DEFB1: variants seen among roughly 807,000 people sequenced by gnomAD.
DEFB1 encodes defensin beta 1.
A neutral mutation model predicts 2.6 loss-of-function variants in DEFB1; 4 were observed. The ratio of observed to expected loss-of-function variants is 1.53; its 90% CI spans 0.76 to 3.51. DEFB1 has a LOEUF of 3.51. Among genes scored for constraint, DEFB1 ranks in the 30% most tolerant of loss-of-function variants. The probability of loss-of-function intolerance (pLI) is 0.01; values close to 1 mark genes in which losing one functional copy is unlikely to be tolerated. For missense variants in DEFB1, 162 were observed against 76.9 expected (o/e 2.11, Z -4.14); for synonymous variants, 56 against 28.5 (o/e 1.96, Z -3.07).
intron 1 of DEFB1, among the ~76,000 whole-genome samples, chr8:6,875,438 C>A (rs1309818751): frequency 6.6e-6 from 1 of 151,900 alleles, no homozygotes; most frequent in Non-Finnish European, 1.5e-5. Context: ...GACAGATAAT[C>A]CAAAAGAAAA....
rs141685393 is a variant in DEFB1 at position 6,876,734 on chromosome 8, C to T, written c.61+1063G>A. Among the ~76,000 whole-genome samples the T allele has an allele frequency of 2.4e-3, 363 of 148,388 alleles. 3 individuals are homozygous for T. The highest frequency in any genetic ancestry group is 8.7e-3 in the African/African-American group (348 of 40,230). ...GGGAGGATGGCCTGAGCTCAGGAGG[C>T]AGAGGCTGCAGTGAGGCGAGATCAC... On this transcript the variant is annotated intron_variant, in intron 1 of 1. Transcript: ENST00000297439.
Position 6,870,653 on chromosome 8 carries a change from T to TGCGTCATTTCTTCTGGTCACTCCC in DEFB1, c.*4_*27dup. 2 of 1,601,702 alleles carry TGCGTCATTTCTTCTGGTCACTCCC rather than the reference T, an allele frequency of 1.2e-6. No individual in the cohort carries two copies. Among genetic ancestry groups the TGCGTCATTTCTTCTGGTCACTCCC allele is most frequent in the African/African-American group, 2.7e-5 (2 of 74,290 alleles). On this transcript the variant is annotated 3_prime_UTR_variant, in exon 2 of 2. Transcript: ENST00000297439. ...GCTTATAAAAAGTTCATTTCACTTC[T>TGCGTCATTTCTTCTGGTCACTCCC]GCGTCATTTCTTCTGGTCACTCCCA...
intron 1 of DEFB1, among the ~76,000 whole-genome samples, chr8:6,877,454 G>T (rs772343058): frequency 6.6e-6 from 1 of 152,240 alleles, no homozygotes; most frequent in Admixed American, 6.5e-5. Context: ...CCCTCTCTCT[G>T]CATAGGAAGC....
chr8:6,875,822 C>G (rs1022127947), intron 1 of DEFB1, among the ~76,000 whole-genome samples: 16 of 152,050 alleles, frequency 1.1e-4, no homozygotes, highest in African/African-American at 3.9e-4. Context: ...GTGCACAAAC[C>G]AAGCTGTACT....
In DEFB1 at chr8:6,870,693, C is replaced by G. The variant is rs751589577; in HGVS notation, c.195G>C (p.Lys65Asn). The stretch of plus-strand genomic sequence containing the variant: ...GGTCACTCCCAGCTCACTTGCAGCA[C>G]TTGGCCTTCCCTCTGTAACAGGTGC... ...IQGTCYRGKAKCCK is the reference protein window; with the variant it reads ...IQGTCYRGKANCCK Residue 65 changes from lysine to asparagine, a missense_variant, in exon 2 of 2, where the codon AAG (lysine) becomes AAC (asparagine). By Grantham distance (94) the Lys-to-Asn change is moderately conservative (BLOSUM62 0). Coordinates refer to ENST00000297439, the MANE Select transcript of DEFB1 (RefSeq NM_005218.4). 1.2e-6 allele frequency: 2 copies of G among 1,614,100 alleles called. No individual in the cohort carries two copies. The highest frequency in any genetic ancestry group is 1.7e-5 in the Admixed American group (1 of 59,986).
In DEFB1 at chr8:6,870,763, C is replaced by T. The variant is rs773207188; in HGVS notation, c.125G>A (p.Gly42Glu). 7 of 1,614,218 alleles carry T rather than the reference C, an allele frequency of 4.3e-6. No homozygotes were observed. The East Asian group carries it at 6.7e-5, about 15-fold the overall frequency. ...SDHYNCVSSG[G>E]QCLYSACPIF... is the part of the protein sequence containing the mutation. ...CGGGCAGGCAGAATAGAGACATTGC[C>T]CTCCACTGCTGACGCAATTGTAATG... Residue 42 changes from glycine to glutamate, a missense_variant, in exon 2 of 2, where the codon GGG becomes GAG. Physicochemically the swap from Gly to Glu is moderately conservative, Grantham distance 98. Transcript: ENST00000297439.
chr8:6,876,511 G>A (rs1300922456), intron 1 of DEFB1, among the ~76,000 whole-genome samples: 1 of 151,826 alleles, frequency 6.6e-6, no homozygotes, highest in Non-Finnish European at 1.5e-5. Flanking sequence ...AAAAAACACG[G>A]TAGGCTGAGT....
Position 6,870,810 on chromosome 8 carries a change from T to C in DEFB1, c.78A>G (p.Thr26=). ...AATGATCAGATCTGTGGCCAAGGCC[T>C]GTGAGAAAGTTACCACCTGTAAGGA... ...SEMASGGNFL[T]GLGHRSDHYN... is the part of the protein sequence containing the mutation. Residue 26 remains threonine, a synonymous_variant, in exon 2 of 2, where the codon ACA becomes ACG. Coordinates refer to ENST00000297439, the MANE Select transcript of DEFB1 (RefSeq NM_005218.4). 1.2e-6 allele frequency: 2 copies of C among 1,613,192 alleles called. No individual in the cohort carries two copies. The highest frequency in any genetic ancestry group is 1.7e-5 in the Admixed American group (1 of 59,832).
intron 1 of DEFB1, among the ~76,000 whole-genome samples, chr8:6,874,970 A>G (rs1407963097): frequency 7.7e-6 from 1 of 129,040 alleles, no homozygotes; most frequent in Non-Finnish European, 1.7e-5. Flanking sequence ...TGACAGAGCG[A>G]GACTCAGTCT....
At chr8:6,873,575 G>T (rs893450879) in intron 1 of DEFB1, among the ~76,000 whole-genome samples, 1 of 152,154 alleles carries the variant, frequency 6.6e-6, no homozygotes, top group African/African-American at 2.4e-5. Flanking sequence ...GCAGCTGGAG[G>T]CCAATATCCT....
chr8:6,871,193 G>C (rs891282341), intron 1 of DEFB1, among the ~76,000 whole-genome samples: 3 of 152,210 alleles, frequency 2.0e-5, no homozygotes, highest in East Asian at 1.9e-4. Flanking sequence ...TGTGGAAGCA[G>C]CTGCCACTCT....
intron 1 of DEFB1, among the ~76,000 whole-genome samples, chr8:6,875,642 G>A (rs1243645136): frequency 1.3e-5 from 2 of 152,160 alleles, no homozygotes; most frequent in African/African-American, 4.8e-5. Flanking sequence ...CAGAGCAAGA[G>A]GAACTCTTAT....
At position 6,870,828 on chromosome 8, in the gene DEFB1, T is replaced by A; in HGVS notation, c.62-2A>T. Reference sequence around the variant, plus strand: ...CAAGGCCTGTGAGAAAGTTACCACCTGTAAGGAGGGAACACAAACACTTCA... The same window carrying A: ...CAAGGCCTGTGAGAAAGTTACCACCAGTAAGGAGGGAACACAAACACTTCA... On this transcript the variant is annotated splice_acceptor_variant, in intron 1 of 1. Coordinates refer to ENST00000297439, the MANE Select transcript of DEFB1 (RefSeq NM_005218.4). LOFTEE classifies it high-confidence loss of function. The A allele has an allele frequency of 1.2e-6, 2 of 1,610,892 alleles. No individual in the cohort carries two copies. The highest frequency in any genetic ancestry group is 1.3e-5 in the African/African-American group (1 of 74,886).
chr8:6,873,345 A>G (rs749946207), intron 1 of DEFB1, among the ~76,000 whole-genome samples: 6 of 152,190 alleles, frequency 3.9e-5, no homozygotes, highest in African/African-American at 1.2e-4. Flanking sequence ...AATTTCTGGC[A>G]TTACCTTCCA....
rs938622558 is a variant in DEFB1 at position 6,877,930 on chromosome 8, G to A, written c.-73C>T. 1 of 1,317,300 alleles carries A rather than the reference G, an allele frequency of 7.6e-7. No homozygotes were observed. The highest frequency in any genetic ancestry group is 1.4e-5 in the African/African-American group (1 of 69,170). 81.6% of individuals were successfully genotyped at this position (1,317,300 alleles called of 1,614,324 possible). A position where few individuals can be genotyped will look rare whatever the true frequency, so the allele number is the denominator to read the frequency against. Reference sequence around the variant, plus strand: ...GGCTCCTTTGGAGGCTGAGCTGACAGAGGCTTCCAGAGGCTGGAGCGTCAC... The same window carrying A: ...GGCTCCTTTGGAGGCTGAGCTGACAAAGGCTTCCAGAGGCTGGAGCGTCAC... On this transcript the variant is annotated 5_prime_UTR_variant, in exon 1 of 2. Transcript: ENST00000297439.
At chr8:6,870,872 G>T in intron 1 of DEFB1, 46 bp from the exon 2 acceptor site, 5 of 1,563,920 alleles carry the variant, frequency 3.2e-6, no homozygotes, top group Non-Finnish European at 4.3e-6. Flanking sequence ...GCTTGTAGCT[G>T]CAACGATTTG....
intron 1 of DEFB1, among the ~76,000 whole-genome samples, chr8:6,876,664 G>A (rs1196376633): frequency 1.3e-5 from 2 of 151,770 alleles, no homozygotes; most frequent in Non-Finnish European, 2.9e-5. Flanking sequence ...TTAGCCAGGT[G>A]TGGTGGTGCA....
At chr8:6,875,361 G>T (rs1373512120) in intron 1 of DEFB1, among the ~76,000 whole-genome samples, 1 of 152,146 alleles carries the variant, frequency 6.6e-6, no homozygotes, top group Non-Finnish European at 1.5e-5. Context: ...GAAGATATTT[G>T]TGATGTATAT....
rs1554540637 is a variant in DEFB1, at chr8:6,874,153, A to ACACG, written c.62-3331_62-3328dup. On this transcript the variant is annotated intron_variant, in intron 1 of 1. Coordinates refer to ENST00000297439, the MANE Select transcript of DEFB1 (RefSeq NM_005218.4). ...CACACACACACACACACACGCACAC[A>ACACG]CACGCACATGTGCACTTTGTAGGTA... Among the ~76,000 whole-genome samples, 85 of 142,062 alleles carry ACACG rather than the reference A, an allele frequency of 6.0e-4. 1 individual carries two copies. The highest frequency in any genetic ancestry group is 3.9e-3 in the Middle Eastern group (1 of 256). 93.2% of individuals were successfully genotyped at this position (142,062 alleles called of 152,430 possible). A position where few individuals can be genotyped will look rare whatever the true frequency, so the allele number is the denominator to read the frequency against.
Sources: allele counts gnomAD v4.1 joint callset (sites outside exome capture counted in the v4.1 genomes callset), GRCh38; gene constraint gnomAD v4.1.1; transcripts MANE v1.5; gene names NCBI Gene and HGNC (gene_info 2026-07-23, HGNC 2026-07-21).